Variants in GALNTL6 observed in about 807,000 individuals in gnomAD.
GALNTL6 encodes the protein polypeptide N-acetylgalactosaminyltransferase like 6, also known as polypeptide N-acetylgalactosaminyltransferase-like 6.
In GALNTL6, 46 loss-of-function variants were observed where a neutral mutation model predicts 73.7. The observed-to-expected ratio is 0.62, with a 90% CI of 0.49 to 0.80. The LOEUF (loss-of-function observed/expected upper bound fraction) is 0.80, where lower values mean the gene tolerates loss of function less well. Ranked by LOEUF, GALNTL6 falls within the 30% of genes least tolerant of loss-of-function variation. The pLI is 0.00. For missense variants in GALNTL6, 604 were observed against 755.0 expected (o/e 0.80, Z 2.34); for synonymous variants, 259 against 263.7 (o/e 0.98, Z 0.17).
intron 5 of GALNTL6, among the ~76,000 whole-genome samples, chr4:172,768,036 A>G (rs1222299777): frequency 1.3e-5 from 2 of 152,186 alleles, no homozygotes; most frequent in East Asian, 3.8e-4. Flanking sequence ...CACGTTGCAC[A>G]CATACCCGCC....
intron 5 of GALNTL6, among the ~76,000 whole-genome samples, chr4:172,679,990 T>C (rs1732540754): frequency 6.6e-6 from 1 of 152,220 alleles, no homozygotes; most frequent in Admixed American, 6.5e-5. Flanking sequence ...CTAGTAATTC[T>C]TACCTAATTC....
intron 2 of GALNTL6, among the ~76,000 whole-genome samples, chr4:171,899,010 A>T (rs1245615131): frequency 6.9e-6 from 1 of 145,162 alleles, no homozygotes; most frequent in South Asian, 2.2e-4. Flanking sequence ...GAATACATTC[A>T]GGGGCATTTT....
At chr4:172,140,254 T>C (rs1363472627) in intron 2 of GALNTL6, among the ~76,000 whole-genome samples, 3 of 152,052 alleles carry the variant, frequency 2.0e-5, no homozygotes, top group Non-Finnish European at 4.4e-5. Context: ...ATGCACAAGG[T>C]CATGTTTTAC....
intron 2 of GALNTL6, among the ~76,000 whole-genome samples, chr4:172,202,403 T>C (rs1216509718): frequency 1.3e-5 from 2 of 152,216 alleles, no homozygotes; most frequent in African/African-American, 4.8e-5. Context: ...TAGGAATATC[T>C]CAATATGTTT....
intron 2 of GALNTL6, among the ~76,000 whole-genome samples, chr4:172,046,019 C>A (rs946405269): frequency 6.6e-6 from 1 of 151,930 alleles, no homozygotes; most frequent in African/African-American, 2.4e-5. Flanking sequence ...TTGCAAATAG[C>A]ATAATTTTCT....
Position 172,100,910 on chromosome 4 carries a change from T to C in GALNTL6, c.139-128746T>C, listed in dbSNP as rs1223158452. ...TAGGAGGGTGGAAATTCAGGGCAAT[T>C]AGAAGATTCATTAAAATCTCGGGGC... On this transcript the variant is annotated intron_variant, in intron 2 of 12. Transcript: ENST00000506823. Among the ~76,000 whole-genome samples, 4 of 152,164 alleles carry C rather than the reference T, an allele frequency of 2.6e-5. No individual in the cohort carries two copies. In the East Asian group the frequency reaches 5.8e-4, roughly 22 times the overall value.
At chr4:172,708,195 C>T (rs906213974) in intron 5 of GALNTL6, among the ~76,000 whole-genome samples, 1 of 152,138 alleles carries the variant, frequency 6.6e-6, no homozygotes, top group Non-Finnish European at 1.5e-5. Context: ...GAACTACAGG[C>T]ACATGTTACC....
At chr4:172,524,517 G>T (rs1579153142) in intron 5 of GALNTL6, among the ~76,000 whole-genome samples, 1 of 152,250 alleles carries the variant, frequency 6.6e-6, no homozygotes, top group East Asian at 1.9e-4. Context: ...TCCATTGCAT[G>T]AATACAACGC....
At chr4:171,987,868 A>G (rs979659483) in intron 2 of GALNTL6, among the ~76,000 whole-genome samples, 8 of 152,120 alleles carry the variant, frequency 5.3e-5, no homozygotes, top group African/African-American at 1.7e-4. Context: ...AGAGAGATAC[A>G]GTCATGGGGG....
At chr4:173,013,552 C>A (rs929819231) in intron 11 of GALNTL6, among the ~76,000 whole-genome samples, 3 of 151,780 alleles carry the variant, frequency 2.0e-5, no homozygotes, top group Non-Finnish European at 2.9e-5. Flanking sequence ...CCCCGCACCC[C>A]CCACGTCCCC....
At chr4:172,470,531 G>T (rs1014199355) in intron 5 of GALNTL6, among the ~76,000 whole-genome samples, 1 of 152,056 alleles carries the variant, frequency 6.6e-6, no homozygotes, top group Non-Finnish European at 1.5e-5. Context: ...ATCAACCGAA[G>T]GCCTGAAACC....
chr4:172,569,303 C>G (rs755825441), intron 5 of GALNTL6, among the ~76,000 whole-genome samples: 1 of 152,078 alleles, frequency 6.6e-6, no homozygotes, highest in African/African-American at 2.4e-5. Context: ...AGGGAGCTCT[C>G]GCAGGTCTCT....
chr4:172,379,736 A>G (rs868574191), intron 5 of GALNTL6, among the ~76,000 whole-genome samples: 2 of 152,144 alleles, frequency 1.3e-5, no homozygotes, highest in South Asian at 4.1e-4. Context: ...CTTCATTCAC[A>G]GTGCTTTACA....
Position 172,069,423 on chromosome 4 carries a change from TAA to T in GALNTL6, c.139-160232_139-160231del, listed in dbSNP as rs1446488937. Reference sequence around the variant, plus strand: ...ATATATAACACATATATGTTATATATAACACACATATAACATATATATGTAAT... The same window carrying T: ...ATATATAACACATATATGTTATATATCACACATATAACATATATATGTAAT... On this transcript the variant is annotated intron_variant, in intron 2 of 12. Coordinates refer to ENST00000506823, the MANE Select transcript of GALNTL6 (RefSeq NM_001034845.3). 2.1e-5 allele frequency among the ~76,000 whole-genome samples: 2 copies of T among 95,044 alleles called. 1 individual carries two copies. The highest frequency in any genetic ancestry group is 8.1e-5 in the African/African-American group (2 of 24,798). 62.4% of individuals were successfully genotyped at this position (95,044 alleles called of 152,430 possible).
chr4:172,449,065 G>A (rs1215298434), intron 5 of GALNTL6, among the ~76,000 whole-genome samples: 1 of 152,078 alleles, frequency 6.6e-6, no homozygotes, highest in Admixed American at 6.6e-5. Flanking sequence ...CTATCTTCTG[G>A]CCATTGATTC....
At chr4:171,939,889 GAT>G (rs1738473992) in intron 2 of GALNTL6, among the ~76,000 whole-genome samples, 1 of 152,038 alleles carries the variant, frequency 6.6e-6, no homozygotes, top group Non-Finnish European at 1.5e-5. Context: ...CAAAAGTGAT[GAT>G]ATACTCACTA....
At chr4:172,381,400 C>T (rs537567095) in intron 5 of GALNTL6, among the ~76,000 whole-genome samples, 1 of 152,176 alleles carries the variant, frequency 6.6e-6, no homozygotes, top group East Asian at 1.9e-4. Flanking sequence ...CAAAAGGAAC[C>T]CCACACCCAA....
chr4:172,152,592 A>G (rs562991400), intron 2 of GALNTL6, among the ~76,000 whole-genome samples: 1 of 152,308 alleles, frequency 6.6e-6, no homozygotes, highest in African/African-American at 2.4e-5. Context: ...ATAGCTCAGA[A>G]GTTTCAGAAA....
In GALNTL6 at chr4:172,816,134, G is replaced by A. The variant is rs547370622; in HGVS notation, c.923+2411G>A. 1.2e-3 allele frequency among the ~76,000 whole-genome samples: 179 copies of A among 152,290 alleles called. 1 individual carries two copies. Among genetic ancestry groups the A allele is most frequent in the African/African-American group, 4.1e-3 (170 of 41,556 alleles). ...GTCTTCCACATTTCAAGAGGCTGCC[G>A]CCAAAGTGTATGGTTTTCTGTGGGA... On this transcript the variant is annotated intron_variant, in intron 7 of 12. Coordinates refer to ENST00000506823, the MANE Select transcript of GALNTL6 (RefSeq NM_001034845.3).
Sources: allele counts gnomAD v4.1 joint callset (sites outside exome capture counted in the v4.1 genomes callset), GRCh38; gene constraint gnomAD v4.1.1; transcripts MANE v1.5; gene names NCBI Gene and HGNC (gene_info 2026-07-23, HGNC 2026-07-21).